The following RBMS3 variants were observed in gnomAD, a reference collection of about 807,000 sequenced individuals.
RBMS3 encodes RNA binding motif single stranded interacting protein 3.
RBMS3 carries 27 observed loss-of-function variants against 66.8 expected under a neutral mutation model. That is an observed-to-expected ratio of 0.40 (90% confidence interval 0.30 to 0.56). RBMS3 has a LOEUF of 0.56. Ranked by LOEUF, RBMS3 falls within the 20% of genes least tolerant of loss-of-function variation. The pLI is 0.40. For synonymous variants in RBMS3, 188 were observed against 183.0 expected, an observed-to-expected ratio of 1.03 and a Z score of -0.22; for missense variants, 513 against 549.5, an observed-to-expected ratio of 0.93 and a Z score of 0.66.
chr3:29,873,304 C>T (rs908227508), intron 7 of RBMS3, among the ~76,000 whole-genome samples: 1 of 152,026 alleles, frequency 6.6e-6, no homozygotes, highest in African/African-American at 2.4e-5. Flanking sequence ...GACCTTTCAC[C>T]TCCCTAGTTA....
At chr3:29,693,126 A>G (rs1274410621) in intron 4 of RBMS3, among the ~76,000 whole-genome samples, 1 of 151,866 alleles carries the variant, frequency 6.6e-6, no homozygotes, top group Non-Finnish European at 1.5e-5. Flanking sequence ...TCTATGACAA[A>G]CCAACATTAT....
intron 6 of RBMS3, among the ~76,000 whole-genome samples, chr3:29,806,149 T>C (rs1369432002): frequency 6.6e-6 from 1 of 152,006 alleles, no homozygotes; most frequent in Non-Finnish European, 1.5e-5. Flanking sequence ...CATATTTCCC[T>C]TCTCAGAGAA....
intron 4 of RBMS3, among the ~76,000 whole-genome samples, chr3:29,697,612 T>C (rs1399231053): frequency 6.6e-6 from 1 of 152,240 alleles, no homozygotes; most frequent in East Asian, 1.9e-4. Context: ...TTGAATTTCT[T>C]TGGATTTTTG....
chr3:29,952,679 C>A (rs537902937), intron 12 of RBMS3, among the ~76,000 whole-genome samples: 1 of 151,940 alleles, frequency 6.6e-6, no homozygotes, highest in Non-Finnish European at 1.5e-5. Context: ...GCTGATATAA[C>A]TTCTAAGTGC....
chr3:29,732,041 C>T (rs939182934), intron 4 of RBMS3, among the ~76,000 whole-genome samples: 2 of 152,020 alleles, frequency 1.3e-5, no homozygotes, highest in African/African-American at 4.8e-5. Flanking sequence ...CTCCTCCTCC[C>T]TCTCTGCCTT....
intron 2 of RBMS3, among the ~76,000 whole-genome samples, chr3:29,437,186 G>A (rs566047333): frequency 6.6e-6 from 1 of 152,286 alleles, no homozygotes; most frequent in South Asian, 2.1e-4. Flanking sequence ...TGGCCCTTGT[G>A]GGAGTATTTA....
In RBMS3 at chr3:29,373,376, G is replaced by A. The variant is rs1394989416; in HGVS notation, c.76-61367G>A. Reference sequence around the variant, plus strand: ...TTTGGCTTCCCAATAATACCAGCTGGGTGTTCTCCCTAACTTCTGGATGCA... The same window carrying A: ...TTTGGCTTCCCAATAATACCAGCTGAGTGTTCTCCCTAACTTCTGGATGCA... On this transcript the variant is annotated intron_variant, in intron 1 of 14. Transcript: ENST00000383767. Among the ~76,000 whole-genome samples, 3 of 152,262 alleles carry A rather than the reference G, an allele frequency of 2.0e-5. No individual in the cohort carries two copies. The East Asian group carries it at 5.8e-4, about 29-fold the overall frequency.
chr3:29,769,501 A>G (rs1001825344), intron 6 of RBMS3, among the ~76,000 whole-genome samples: 3 of 151,936 alleles, frequency 2.0e-5, no homozygotes, highest in African/African-American at 7.2e-5. Context: ...GAAGGTTGGA[A>G]GGTCTTTCAC....
intron 1 of RBMS3, among the ~76,000 whole-genome samples, chr3:29,307,513 C>A (rs1398882839): frequency 6.6e-6 from 1 of 151,710 alleles, no homozygotes; most frequent in East Asian, 2.0e-4. Flanking sequence ...GGCTAAAGAG[C>A]AGGGAAACCC....
intron 4 of RBMS3, among the ~76,000 whole-genome samples, chr3:29,632,182 AACTT>A (rs2049306909): frequency 6.6e-6 from 1 of 151,978 alleles, no homozygotes; most frequent in African/African-American, 2.4e-5. Context: ...TATATTAACT[AACTT>A]TTGTGCAGAT....
rs530381491 is a variant in RBMS3, at chr3:29,584,864, T to C, written c.308-2250T>C. Among the ~76,000 whole-genome samples, 9 of 152,204 alleles carry C rather than the reference T, an allele frequency of 5.9e-5. 1 individual carries two copies. The South Asian group carries it at 1.9e-3, about 32-fold the overall frequency. ...GTCATCTCCTGATCCCATTCTAGCT[T>C]CCCAGCTCCCCCGCAACATTGCAAT... is the stretch of plus-strand genomic sequence containing the variant. On this transcript the variant is annotated intron_variant, in intron 3 of 14. Transcript: ENST00000383767.
At chr3:29,329,284 A>C (rs923743747) in intron 1 of RBMS3, among the ~76,000 whole-genome samples, 4 of 152,152 alleles carry the variant, frequency 2.6e-5, no homozygotes, top group Non-Finnish European at 5.9e-5. Context: ...CAAGTGTTGT[A>C]AGTATATGAA....
At chr3:29,423,251 C>G (rs910857333) in intron 1 of RBMS3, among the ~76,000 whole-genome samples, 1 of 152,194 alleles carries the variant, frequency 6.6e-6, no homozygotes, top group African/African-American at 2.4e-5. Flanking sequence ...TCTGTACCTA[C>G]AGCTAATCTT....
chr3:29,892,970 G>A lies in RBMS3; in HGVS notation c.792-4409G>A, dbSNP rs4680734. ...AACACATTCTGCAGTTCCCTCCTTG[G>A]AGTCTGGCCTTGTGTATTTTCTTTA... On this transcript the variant is annotated intron_variant, in intron 8 of 14. Transcript: ENST00000383767. Among the ~76,000 whole-genome samples the A allele has an allele frequency of 0.017, 2,546 of 151,240 alleles. 187 individuals carry two copies. The East Asian group carries it at 0.23, about 14-fold the overall frequency.
At chr3:29,377,610 C>T (rs1051959839) in intron 1 of RBMS3, among the ~76,000 whole-genome samples, 2 of 152,184 alleles carry the variant, frequency 1.3e-5, no homozygotes, top group South Asian at 4.1e-4. Context: ...GAGAGGTATT[C>T]CTTTCCAAGA....
chr3:29,872,211 A>C (rs1426247784), intron 7 of RBMS3, among the ~76,000 whole-genome samples: 1 of 152,076 alleles, frequency 6.6e-6, no homozygotes, highest in African/African-American at 2.4e-5. Flanking sequence ...TATTACTTAC[A>C]ACAAAATAAA....
intron 2 of RBMS3, among the ~76,000 whole-genome samples, chr3:29,449,867 T>C (rs541978429): frequency 1.3e-5 from 2 of 152,346 alleles, no homozygotes; most frequent in South Asian, 4.1e-4. Flanking sequence ...TGTTAGTTTG[T>C]GACACTAAAT....
chr3:29,623,182 G>A (rs56092654), intron 4 of RBMS3, among the ~76,000 whole-genome samples: 16 of 130,252 alleles, frequency 1.2e-4, no homozygotes, highest in Non-Finnish European at 2.1e-4. Flanking sequence ...GGGGGGGGGG[G>A]TCTAAATTAT....
intron 3 of RBMS3, among the ~76,000 whole-genome samples, chr3:29,542,973 A>C (rs888483848): frequency 5.3e-5 from 8 of 152,226 alleles, no homozygotes; most frequent in Non-Finnish European, 1.0e-4. Flanking sequence ...ATTTAAGTTT[A>C]AGAGAAATGA....
Sources: gnomAD v4.1 joint callset for allele counts (sites outside exome capture counted in the v4.1 genomes callset) on GRCh38, gnomAD v4.1.1 for gene constraint, MANE v1.5 for transcripts, NCBI Gene and HGNC (gene_info 2026-07-23, HGNC 2026-07-21) for gene names.